EFR3B: variants seen among roughly 807,000 people sequenced by gnomAD.
EFR3B encodes protein EFR3 homolog B.
A neutral mutation model predicts 104.7 loss-of-function variants in EFR3B; 64 were observed. The ratio of observed to expected loss-of-function variants is 0.61; its 90% CI spans 0.50 to 0.75. EFR3B has a LOEUF of 0.75. EFR3B is among the 30% of genes least tolerant of loss of function. The pLI, the probability that EFR3B is intolerant of heterozygous loss-of-function variation, is 0.00. For missense variants in EFR3B, 750 were observed against 1,078.5 expected (o/e 0.70, Z 4.27); for synonymous variants, 385 against 417.9 (o/e 0.92, Z 0.96).
intron 1 of EFR3B, among the ~76,000 whole-genome samples, chr2:25,074,395 G>A (rs556866359): frequency 4.2e-4 from 64 of 152,018 alleles, no homozygotes; most frequent in South Asian, 3.7e-3. Context: ...GCAAAATCCC[G>A]TCTCTACTAA....
chr2:25,106,660 C>G (rs1053884491), intron 4 of EFR3B, among the ~76,000 whole-genome samples: 2 of 152,188 alleles, frequency 1.3e-5, no homozygotes, highest in African/African-American at 2.4e-5. Context: ...TCAGGCTGGT[C>G]TCGAACTCCT....
At chr2:25,110,118 C>G (rs1165603036) in intron 4 of EFR3B, among the ~76,000 whole-genome samples, 3 of 152,198 alleles carry the variant, frequency 2.0e-5, no homozygotes, top group African/African-American at 4.8e-5. Flanking sequence ...TCCCCTGCCC[C>G]TCACGAGATC....
chr2:25,140,963 A>G (rs1573233614), intron 16 of EFR3B, among the ~76,000 whole-genome samples: 1 of 149,708 alleles, frequency 6.7e-6, no homozygotes, highest in African/African-American at 2.5e-5. Context: ...ATTGCTTGAA[A>G]CTGGGAGGTG....
intron 1 of EFR3B, among the ~76,000 whole-genome samples, chr2:25,077,444 C>T (rs1668667776): frequency 6.6e-6 from 1 of 152,198 alleles, no homozygotes; most frequent in Non-Finnish European, 1.5e-5. Context: ...CCCGCCACCA[C>T]ACCTGGCTAA....
chr2:25,072,522 T>A (rs1348887671), intron 1 of EFR3B, among the ~76,000 whole-genome samples: 1 of 152,150 alleles, frequency 6.6e-6, no homozygotes, highest in African/African-American at 2.4e-5. Flanking sequence ...GCCCAAGCGA[T>A]CCTCCCACCT....
chr2:25,092,614 T>A (rs999480097), intron 2 of EFR3B, among the ~76,000 whole-genome samples: 1 of 150,574 alleles, frequency 6.6e-6, no homozygotes, highest in African/African-American at 2.5e-5. Flanking sequence ...AATGGTGCAA[T>A]CTTGGCTCAC....
chr2:25,117,235 G>A (rs2149198541), intron 4 of EFR3B, among the ~76,000 whole-genome samples: 1 of 152,228 alleles, frequency 6.6e-6, no homozygotes, highest in South Asian at 2.1e-4. Flanking sequence ...CCAGGTGTGG[G>A]CCTCAGACTG....
At position 25,158,294 on chromosome 2, in the gene EFR3B, G is replaced by C. The variant is rs557033076; in HGVS notation, c.*3954G>C. The C allele has an allele frequency of 9.8e-5, 15 of 152,460 alleles. No homozygotes were observed. Among genetic ancestry groups the C allele is most frequent in the African/African-American group, 3.6e-4 (15 of 41,586 alleles). The allele number at this position is 152,460 out of a possible 1,614,324, so 9.4% of individuals were successfully genotyped here. On this transcript the variant is annotated 3_prime_UTR_variant, in exon 23 of 23. Transcript: ENST00000403714. ...GGGTCCTGTGGGAAAGGGCTAACCT[G>C]GGCTGTTAGGTAGACACTAGGTTTA... is the stretch of plus-strand genomic sequence containing the variant.
chr2:25,097,287 G>A (rs1669306579), intron 3 of EFR3B, among the ~76,000 whole-genome samples: 1 of 152,198 alleles, frequency 6.6e-6, no homozygotes, highest in Admixed American at 6.5e-5. Context: ...ATTTGGAGAA[G>A]AAAAATCTGT....
chr2:25,134,397 T>A (rs1228050211), intron 12 of EFR3B, among the ~76,000 whole-genome samples: 1 of 152,198 alleles, frequency 6.6e-6, no homozygotes. Flanking sequence ...CTTGAACTCC[T>A]GACCTCAAGT....
At chr2:25,052,423 G>A (rs529671578) in intron 1 of EFR3B, among the ~76,000 whole-genome samples, 1 of 151,232 alleles carries the variant, frequency 6.6e-6, no homozygotes, top group Non-Finnish European at 1.5e-5. Context: ...CCTCAGGTGG[G>A]TTCTGAGTAA....
chr2:25,046,787 G>T (rs1343042282), intron 1 of EFR3B, among the ~76,000 whole-genome samples: 1 of 152,130 alleles, frequency 6.6e-6, no homozygotes, highest in Admixed American at 6.5e-5. Context: ...ACAGGCGTGA[G>T]CCACCGCGCC....
chr2:25,151,878 C>T (rs1221728253), intron 20 of EFR3B, 36 bp from the exon 21 acceptor site: 1 of 1,547,884 alleles, frequency 6.5e-7, no homozygotes, highest in Non-Finnish European at 8.7e-7. Flanking sequence ...CCTCAGTGAG[C>T]AGGGCCTGGC....
chr2:25,089,613 C>A (rs989371350), intron 1 of EFR3B, among the ~76,000 whole-genome samples: 1 of 152,120 alleles, frequency 6.6e-6, no homozygotes. Context: ...CAGGTTTAAA[C>A]CCTGGGCTTC....
intron 1 of EFR3B, among the ~76,000 whole-genome samples, chr2:25,046,746 G>T (rs1023132987): frequency 1.3e-5 from 2 of 151,664 alleles, no homozygotes; most frequent in Non-Finnish European, 2.9e-5. Context: ...CTCGTGATCC[G>T]CCCGCCTCGG....
At chr2:25,133,498 AAGTGAAGGCCTCCACATAC>A in intron 12 of EFR3B, 64 bp downstream of exon 12, 2 of 1,490,268 alleles carry the variant, frequency 1.3e-6, no homozygotes, top group Non-Finnish European at 1.8e-6. Flanking sequence ...CCAAGGGACC[AAGTGAAGGCCTCCACATAC>A]AGTCGTGCAT....
intron 4 of EFR3B, among the ~76,000 whole-genome samples, chr2:25,121,348 C>T (rs895433572): frequency 1.2e-4 from 18 of 152,212 alleles, no homozygotes; most frequent in Non-Finnish European, 2.9e-5. Context: ...ACAGCCTCCC[C>T]GCCCCCGTGT....
chr2:25,098,463 G>C (rs1199332822), intron 3 of EFR3B, among the ~76,000 whole-genome samples: 1 of 151,970 alleles, frequency 6.6e-6, no homozygotes, highest in South Asian at 2.1e-4. Flanking sequence ...CAGGACACCC[G>C]CCCCAGATCA....
intron 19 of EFR3B, chr2:25,146,100 TTTA>T (rs1670807565): frequency 6.6e-6 from 1 of 151,232 alleles, no homozygotes; most frequent in Non-Finnish European, 1.5e-5. Flanking sequence ...TTTTTTTTTT[TTTA>T]ATGCTGACTG....
Sources: allele counts gnomAD v4.1 joint callset (sites outside exome capture counted in the v4.1 genomes callset), GRCh38; gene constraint gnomAD v4.1.1; transcripts MANE v1.5; gene names NCBI Gene and HGNC (gene_info 2026-07-23, HGNC 2026-07-21).